The following PTPRD variants were observed in gnomAD, a reference collection of about 807,000 sequenced individuals.
PTPRD encodes the protein protein tyrosine phosphatase receptor type D.
Under a neutral mutation model 214.5 loss-of-function variants are expected in PTPRD, and 34 were observed. The ratio of observed to expected loss-of-function variants is 0.16; its 90% CI spans 0.12 to 0.21. The LOEUF (loss-of-function observed/expected upper bound fraction) is 0.21, where lower values mean the gene tolerates loss of function less well. Ranked by LOEUF, PTPRD falls within the 10% of genes least tolerant of loss-of-function variation. PTPRD has a pLI of 1.00. For synonymous variants in PTPRD, 1,128 were observed against 845.7 expected (o/e 1.33, Z -5.79); for missense variants, 2,545 against 2,398.7 (o/e 1.06, Z -1.27).
At chr9:8,805,583 C>T (rs1318474134) in intron 11 of PTPRD, among the ~76,000 whole-genome samples, 1 of 151,354 alleles carries the variant, frequency 6.6e-6, no homozygotes, top group Non-Finnish European at 1.5e-5. Flanking sequence ...TTACAGCTTA[C>T]AATTTTTATT....
intron 11 of PTPRD, among the ~76,000 whole-genome samples, chr9:8,950,705 T>C: frequency 6.8e-6 from 1 of 147,276 alleles, no homozygotes; most frequent in South Asian, 2.2e-4. Context: ...ATTATGTTTT[T>C]CTTTTTTTTT....
At chr9:10,379,963 A>G (rs891580384) in intron 2 of PTPRD, among the ~76,000 whole-genome samples, 2 of 151,844 alleles carry the variant, frequency 1.3e-5, no homozygotes, top group African/African-American at 4.8e-5. Context: ...TTTCTTTTTT[A>G]TCTTTAGAGA....
At chr9:10,493,077 C>A (rs2040876895) in intron 2 of PTPRD, among the ~76,000 whole-genome samples, 1 of 151,986 alleles carries the variant, frequency 6.6e-6, no homozygotes, top group Non-Finnish European at 1.5e-5. Context: ...AACTTCAAAC[C>A]CCTGCTGACG....
chr9:8,649,454 T>C (rs1264291495), intron 12 of PTPRD, among the ~76,000 whole-genome samples: 2 of 152,266 alleles, frequency 1.3e-5, no homozygotes, highest in East Asian at 1.9e-4. Context: ...GTTGGCAAGA[T>C]ACTTTGGGAA....
intron 10 of PTPRD, among the ~76,000 whole-genome samples, chr9:9,132,505 T>C (rs1381744437): frequency 2.6e-5 from 4 of 152,172 alleles, no homozygotes; most frequent in Non-Finnish European, 5.9e-5. Context: ...GAAACATGGG[T>C]CAAATTCAAG....
chr9:9,505,215 A>T (rs895384455), intron 8 of PTPRD, among the ~76,000 whole-genome samples: 1 of 151,678 alleles, frequency 6.6e-6, no homozygotes, highest in East Asian at 1.9e-4. Context: ...GTCTACCACA[A>T]TGGTTTCATT....
intron 10 of PTPRD, among the ~76,000 whole-genome samples, chr9:9,158,542 G>C (rs1338052722): frequency 6.6e-6 from 1 of 152,142 alleles, no homozygotes; most frequent in East Asian, 1.9e-4. Flanking sequence ...AGAGGTTGTA[G>C]TGAGCCGAGA....
At chr9:8,664,891 C>G (rs1324639655) in intron 12 of PTPRD, among the ~76,000 whole-genome samples, 1 of 152,156 alleles carries the variant, frequency 6.6e-6, no homozygotes, top group Admixed American at 6.5e-5. Context: ...ATTAACCATT[C>G]AACTTCTAAC....
chr9:9,122,200 G>A (rs1330693590), intron 10 of PTPRD, among the ~76,000 whole-genome samples: 1 of 152,112 alleles, frequency 6.6e-6, no homozygotes, highest in African/African-American at 2.4e-5. Flanking sequence ...AAGAGTTATT[G>A]TTACTCATCA....
At chr9:9,985,567 A>G (rs1670639658) in intron 4 of PTPRD, among the ~76,000 whole-genome samples, 1 of 152,176 alleles carries the variant, frequency 6.6e-6, no homozygotes, top group Non-Finnish European at 1.5e-5. Context: ...TCTACATTTA[A>G]AGACTTATTC....
chr9:9,550,888 G>C (rs1174785899), intron 8 of PTPRD, among the ~76,000 whole-genome samples: 1 of 151,792 alleles, frequency 6.6e-6, no homozygotes, highest in African/African-American at 2.4e-5. Context: ...AAAATCACAA[G>C]AACATATCAC....
intron 10 of PTPRD, among the ~76,000 whole-genome samples, chr9:9,141,783 A>G (rs1044487181): frequency 1.3e-5 from 2 of 151,350 alleles, no homozygotes; most frequent in South Asian, 2.1e-4. Flanking sequence ...ATATTCATAT[A>G]TTATATATCT....
intron 12 of PTPRD, among the ~76,000 whole-genome samples, chr9:8,656,824 T>C (rs988729400): frequency 6.6e-6 from 1 of 152,162 alleles, no homozygotes; most frequent in African/African-American, 2.4e-5. Context: ...GTTCCTTAGA[T>C]GAGGATGTCA....
intron 11 of PTPRD, among the ~76,000 whole-genome samples, chr9:8,809,805 C>T (rs1246440822): frequency 6.6e-6 from 1 of 152,102 alleles, no homozygotes; most frequent in Non-Finnish European, 1.5e-5. Flanking sequence ...GTGTGAGGCA[C>T]AAGCTACAAG....
intron 12 of PTPRD, among the ~76,000 whole-genome samples, chr9:8,731,131 C>T (rs902477238): frequency 2.6e-5 from 4 of 152,188 alleles, no homozygotes; most frequent in African/African-American, 4.8e-5. Context: ...ACATCACACC[C>T]AGTACTTTGC....
intron 11 of PTPRD, among the ~76,000 whole-genome samples, chr9:8,856,930 T>C (rs916071545): frequency 1.3e-5 from 2 of 152,220 alleles, no homozygotes; most frequent in Admixed American, 6.5e-5. Flanking sequence ...ACAATAAATC[T>C]ATGGGAAAGC....
chr9:8,630,239 T>C (rs1257757471), intron 14 of PTPRD, among the ~76,000 whole-genome samples: 2 of 151,782 alleles, frequency 1.3e-5, no homozygotes, highest in African/African-American at 4.8e-5. Flanking sequence ...ATGGTCTCCA[T>C]CTACTGCAGA....
intron 39 of PTPRD, among the ~76,000 whole-genome samples, chr9:8,357,286 T>A (rs571265623): frequency 3.0e-4 from 46 of 152,326 alleles, no homozygotes; most frequent in Middle Eastern, 3.4e-3. Flanking sequence ...ACAAATTCTT[T>A]GAAGTTAAAG....
At chr9:10,445,851 T>C (rs1409091078) in intron 2 of PTPRD, among the ~76,000 whole-genome samples, 2 of 151,980 alleles carry the variant, frequency 1.3e-5, no homozygotes, top group East Asian at 3.8e-4. Flanking sequence ...AGAAGTTTAG[T>C]GCTAAAAAAA....
Sources: gnomAD v4.1 joint callset for allele counts (sites outside exome capture counted in the v4.1 genomes callset) on GRCh38, gnomAD v4.1.1 for gene constraint, MANE v1.5 for transcripts, NCBI Gene and HGNC (gene_info 2026-07-23, HGNC 2026-07-21) for gene names.